Variants in BCL2L14 observed in about 807,000 individuals in gnomAD.
BCL2L14 encodes the protein BCL2 like 14, also known as apoptosis facilitator Bcl-2-like protein 14.
In BCL2L14, 27 loss-of-function variants were observed where a neutral mutation model predicts 35.3. The ratio of observed to expected loss-of-function variants is 0.76; its 90% CI spans 0.56 to 1.05. BCL2L14 has a LOEUF of 1.05. BCL2L14 is among the 50% of genes least tolerant of loss of function. The pLI, the probability that BCL2L14 is intolerant of heterozygous loss-of-function variation, is 0.00. For missense variants in BCL2L14, 377 were observed against 382.6 expected (o/e 0.99, Z 0.12); for synonymous variants, 139 against 145.9 (o/e 0.95, Z 0.34).
chr12:12,065,355 G>A (rs1948581960), intron 2 of BCL2L14, among the ~76,000 whole-genome samples: 2 of 152,116 alleles, frequency 1.3e-5, no homozygotes. Context: ...GGCCAGCATG[G>A]AGAAACCCTG....
chr12:12,071,302 T>C (rs550972836), intron 1 of BCL2L14, among the ~76,000 whole-genome samples, 165 bp downstream of exon 1: 3 of 152,306 alleles, frequency 2.0e-5, no homozygotes, highest in Admixed American at 6.5e-5. Context: ...ACATTGAGAA[T>C]CTAGTTTAGC....
At chr12:12,054,734 A>C (rs766478484) in intron 2 of BCL2L14, 1 of 151,978 alleles carries the variant, frequency 6.6e-6, no homozygotes, top group African/African-American at 2.4e-5. Flanking sequence ...GCAGATCATG[A>C]GGTCAGGAGA....
intron 2 of BCL2L14, among the ~76,000 whole-genome samples, chr12:12,054,144 A>G (rs1226135204): frequency 6.6e-6 from 1 of 152,172 alleles, no homozygotes. Context: ...AAAGTTAAAT[A>G]TTATTATTAT....
At chr12:12,094,493 C>T in intron 4 of BCL2L14, 171 bp from the exon 5 acceptor site, 1 of 1,598,080 alleles carries the variant, frequency 6.3e-7, no homozygotes, top group Non-Finnish European at 8.6e-7. Context: ...GCAGTACATG[C>T]CCATTCTGGT....
intron 1 of BCL2L14, among the ~76,000 whole-genome samples, chr12:12,075,383 C>A (rs189237621): frequency 2.6e-5 from 4 of 151,268 alleles, no homozygotes; most frequent in African/African-American, 9.7e-5. Context: ...CAGGCGTGAA[C>A]GATTGTGCCC....
chr12:12,088,689 T>C (rs570407262), intron 3 of BCL2L14, among the ~76,000 whole-genome samples: 16 of 152,316 alleles, frequency 1.1e-4, no homozygotes, highest in Middle Eastern at 3.4e-3. Context: ...TTTTAACTCC[T>C]CTAACAGTGA....
intron 1 of BCL2L14, among the ~76,000 whole-genome samples, chr12:12,075,410 A>ATTCTTTCTTTCT (rs71057801): frequency 0.018 from 2,562 of 142,910 alleles, 30 homozygotes; most frequent in Non-Finnish European, 0.027. Flanking sequence ...ATATGTTTCT[A>ATTCTTTCTTTCT]TTCTTTCTTT....
intron 2 of BCL2L14, among the ~76,000 whole-genome samples, chr12:12,084,626 C>A (rs895460374): frequency 2.1e-5 from 3 of 143,800 alleles, no homozygotes; most frequent in Admixed American, 1.4e-4. Context: ...TCCAGTGTTC[C>A]CTCGCCTATC....
At chr12:12,073,505 G>A (rs1028723799) in intron 1 of BCL2L14, among the ~76,000 whole-genome samples, 2 of 152,026 alleles carry the variant, frequency 1.3e-5, no homozygotes, top group African/African-American at 2.4e-5. Context: ...AATAGCATTA[G>A]CAAGCTTGTT....
chr12:12,050,382 T>G (rs907405910), intron 1 of BCL2L14, among the ~76,000 whole-genome samples: 18 of 137,434 alleles, frequency 1.3e-4, no homozygotes, highest in African/African-American at 5.0e-4. Flanking sequence ...GCAGTGAGCC[T>G]AGATTGCGCC....
upstream of BCL2L14, among the ~76,000 whole-genome samples, chr12:12,067,964 G>T (rs1948613369): frequency 1.3e-5 from 2 of 151,104 alleles, no homozygotes; most frequent in Admixed American, 1.3e-4. Context: ...GACAGGGTCT[G>T]GCTCTGTCAC....
At chr12:12,096,370 A>G (rs1949311457) in intron 5 of BCL2L14, among the ~76,000 whole-genome samples, 1 of 152,006 alleles carries the variant, frequency 6.6e-6, no homozygotes, top group Non-Finnish European at 1.5e-5. Flanking sequence ...ACAAGCAACA[A>G]AAGAAAGAAT....
intron 2 of BCL2L14, among the ~76,000 whole-genome samples, chr12:12,056,363 G>T (rs1948432700): frequency 6.6e-6 from 1 of 152,046 alleles, no homozygotes; most frequent in South Asian, 2.1e-4. Context: ...TTTTAGCCTG[G>T]CAATCAAGTA....
intron 4 of BCL2L14, among the ~76,000 whole-genome samples, chr12:12,093,568 G>A (rs996060625): frequency 6.6e-5 from 10 of 152,212 alleles, no homozygotes; most frequent in African/African-American, 2.4e-4. Flanking sequence ...CGAGGCAGGT[G>A]GATCACCTAA....
In BCL2L14 at chr12:12,057,755, T is replaced by TAAAAAAAAAAAAAAA. The variant is rs370379966; in HGVS notation, c.-272+5909_-272+5923dup. ...CTGGGCAATAAGAGCAAAACTCCATTAAAAAAAAAAAAAAAGAAGTGAAGA... is the reference window on the plus strand; with the variant it reads ...CTGGGCAATAAGAGCAAAACTCCATTAAAAAAAAAAAAAAAAAAAAAAAAAAAAAAGAAGTGAAGA... On this transcript the variant is annotated intron_variant, in intron 2 of 3. Transcript: ENST00000461264. Among the ~76,000 whole-genome samples the TAAAAAAAAAAAAAAA allele has an allele frequency of 1.8e-3, 213 of 120,176 alleles. 1 individual carries two copies. Among genetic ancestry groups the TAAAAAAAAAAAAAAA allele is most frequent in the Non-Finnish European group, 2.3e-3 (133 of 58,084 alleles). The allele number at this position is 120,176 out of a possible 152,430, so 78.8% of individuals were successfully genotyped here. A position where few individuals can be genotyped will look rare whatever the true frequency, so the allele number is the denominator to read the frequency against.
upstream of BCL2L14, among the ~76,000 whole-genome samples, chr12:12,070,544 G>A (rs1483469453): frequency 6.6e-6 from 1 of 152,088 alleles, no homozygotes; most frequent in Non-Finnish European, 1.5e-5. Context: ...AGGCGTGCTG[G>A]TGCAAGCCTG....
intron 3 of BCL2L14, among the ~76,000 whole-genome samples, chr12:12,090,311 G>A (rs548346865): frequency 8.8e-4 from 134 of 152,276 alleles, no homozygotes; most frequent in African/African-American, 3.0e-3. Flanking sequence ...CAGAAGAGGC[G>A]AGGTAAGATT....
chr12:12,079,732 C>A lies in BCL2L14; in HGVS notation c.427C>A (p.His143Asn), dbSNP rs372836511. ...TTCTAACGTGGAGCAGTGCTTGGAG[C>A]ATGAAGGTAGGCATCTGGGATTTCT... ...CLSNVEQCLE[H>N]EAVDPKVISI... The change falls in exon 2 of 6, where the codon CAT becomes AAT. Residue 143 changes from histidine to asparagine, a missense_variant. His to Asn is a moderately conservative substitution (Grantham distance 68). Transcript: ENST00000308721. 22 of 1,610,808 alleles carry A rather than the reference C, an allele frequency of 1.4e-5. No homozygotes were observed. The African/African-American group carries it at 2.5e-4, about 19-fold the overall frequency.
intron 2 of BCL2L14, among the ~76,000 whole-genome samples, chr12:12,061,142 A>G (rs1229609828): frequency 7.9e-6 from 1 of 126,568 alleles, no homozygotes; most frequent in Non-Finnish European, 1.6e-5. Flanking sequence ...CAGTTCCCTT[A>G]TTAGACTGAG....
Sources: allele counts gnomAD v4.1 joint callset (sites outside exome capture counted in the v4.1 genomes callset), GRCh38; gene constraint gnomAD v4.1.1; transcripts MANE v1.5; gene names NCBI Gene and HGNC (gene_info 2026-07-23, HGNC 2026-07-21).